Variants in KCNC2 observed in about 807,000 individuals in gnomAD.
The protein encoded by KCNC2 is voltage-gated potassium channel KCNC2.
KCNC2 carries 21 observed loss-of-function variants against 44.5 expected under a neutral mutation model. The ratio of observed to expected loss-of-function variants is 0.47; its 90% CI spans 0.33 to 0.68. The LOEUF (loss-of-function observed/expected upper bound fraction) is 0.68. Ranked by LOEUF, KCNC2 falls within the 30% of genes least tolerant of loss-of-function variation. The pLI is 0.01. For synonymous variants in KCNC2, 391 were observed against 339.1 expected (o/e 1.15, Z -1.68); for missense variants, 589 against 826.2 (o/e 0.71, Z 3.52).
At chr12:75,073,295 G>T (rs1050426380) in intron 2 of KCNC2, among the ~76,000 whole-genome samples, 1 of 152,060 alleles carries the variant, frequency 6.6e-6, no homozygotes, top group East Asian at 1.9e-4. Flanking sequence ...TAACTTATTG[G>T]TTGGCTAACT....
intron 2 of KCNC2, among the ~76,000 whole-genome samples, chr12:75,175,876 A>C (rs1262470726): frequency 6.6e-6 from 1 of 152,136 alleles, no homozygotes; most frequent in Admixed American, 6.6e-5. Flanking sequence ...TGGGATGTCC[A>C]GTTAAATCTG....
intron 2 of KCNC2, among the ~76,000 whole-genome samples, chr12:75,081,974 C>T (rs145453643): frequency 6.6e-6 from 1 of 151,952 alleles, no homozygotes; most frequent in Non-Finnish European, 1.5e-5. Context: ...TTCCAGTTTC[C>T]TACTTGTATG....
intron 2 of KCNC2, among the ~76,000 whole-genome samples, chr12:75,119,189 TA>T: frequency 6.6e-6 from 1 of 152,214 alleles, no homozygotes; most frequent in Non-Finnish European, 1.5e-5. Context: ...ATTAATATTA[TA>T]CACAATGGGG....
chr12:75,200,393 G>A (rs1434697706), intron 2 of KCNC2, among the ~76,000 whole-genome samples: 1 of 151,728 alleles, frequency 6.6e-6, no homozygotes, highest in Non-Finnish European at 1.5e-5. Context: ...ATAAACACCA[G>A]AAGTCTATCA....
chr12:75,185,324 T>G (rs1478191516), intron 2 of KCNC2, among the ~76,000 whole-genome samples: 2 of 152,184 alleles, frequency 1.3e-5, no homozygotes, highest in East Asian at 1.9e-4. Flanking sequence ...ATGCTATGGT[T>G]TGAAAGTGCC....
intron 2 of KCNC2, among the ~76,000 whole-genome samples, chr12:75,058,265 T>A (rs554023521): frequency 1.3e-5 from 2 of 151,952 alleles, no homozygotes; most frequent in African/African-American, 4.8e-5. Flanking sequence ...ATATAGCAAT[T>A]TCATGACATA....
At chr12:75,191,143 T>C (rs2030167896) in intron 2 of KCNC2, among the ~76,000 whole-genome samples, 1 of 152,098 alleles carries the variant, frequency 6.6e-6, no homozygotes, top group African/African-American at 2.4e-5. Context: ...AAAATGAACA[T>C]GTAGGACCTA....
chr12:75,152,526 A>G (rs1172017562), intron 2 of KCNC2, among the ~76,000 whole-genome samples: 1 of 151,954 alleles, frequency 6.6e-6, no homozygotes, highest in East Asian at 1.9e-4. Context: ...ATTCTCACTA[A>G]AGGAAATTTT....
chr12:75,041,757 C>T lies in KCNC2; in HGVS notation c.*1348G>A. The T allele has an allele frequency of 1.0e-6, 1 of 991,410 alleles. No homozygotes were observed. The highest frequency in any genetic ancestry group is 1.2e-6 in the Non-Finnish European group (1 of 833,388). 61.4% of individuals were successfully genotyped at this position (991,410 alleles called of 1,614,324 possible). On this transcript the variant is annotated 3_prime_UTR_variant, in exon 5 of 5. Coordinates refer to ENST00000549446, the MANE Select transcript of KCNC2 (RefSeq NM_139137.4). ...TGGTGAAATTGCTGCTTAAACCCTG[C>T]TTATCAAAAAGATTCACAGTGCCGA...
chr12:75,188,755 G>C (rs1251684888), intron 2 of KCNC2, among the ~76,000 whole-genome samples: 1 of 151,844 alleles, frequency 6.6e-6, no homozygotes, highest in Non-Finnish European at 1.5e-5. Flanking sequence ...AGCTACTCGG[G>C]AGGCTGAGGC....
intron 2 of KCNC2, among the ~76,000 whole-genome samples, chr12:75,172,556 C>A (rs529537461): frequency 6.6e-6 from 1 of 151,892 alleles, no homozygotes; most frequent in South Asian, 2.1e-4. Context: ...TAAGACAGAG[C>A]TTTAGTCTAT....
intron 2 of KCNC2, among the ~76,000 whole-genome samples, chr12:75,081,663 C>T (rs1027325642): frequency 2.6e-5 from 4 of 151,868 alleles, no homozygotes; most frequent in African/African-American, 7.2e-5. Context: ...TAAAAATGTC[C>T]ATTCCAGATA....
chr12:75,121,979 A>G (rs1320131738), intron 2 of KCNC2, among the ~76,000 whole-genome samples: 1 of 151,996 alleles, frequency 6.6e-6, no homozygotes, highest in Non-Finnish European at 1.5e-5. Context: ...AGTGTGAGTG[A>G]TAGGAATCCT....
intron 2 of KCNC2, among the ~76,000 whole-genome samples, chr12:75,061,610 C>CACAT (rs1339740171): frequency 1.3e-4 from 18 of 136,496 alleles, no homozygotes; most frequent in African/African-American, 4.0e-4. Flanking sequence ...CACACACACA[C>CACAT]ACAAAACACA....
chr12:75,115,702 T>C lies in KCNC2; in HGVS notation c.688-64385A>G, dbSNP rs1045239646. On this transcript the variant is annotated intron_variant, in intron 2 of 4. Transcript: ENST00000549446. ...TAAACTGGTACACTTGGAATCAGAA[T>C]TGCAGAGATTTGTACCTATTTATTT... Among the ~76,000 whole-genome samples the C allele has an allele frequency of 6.6e-5, 10 of 152,206 alleles. No homozygotes were observed. The South Asian group carries it at 2.1e-3, about 31-fold the overall frequency.
intron 2 of KCNC2, among the ~76,000 whole-genome samples, chr12:75,083,588 G>A (rs1884697867): frequency 6.6e-6 from 1 of 151,606 alleles, no homozygotes; most frequent in African/African-American, 2.4e-5. Flanking sequence ...CATAAAATTG[G>A]GCTACAAATA....
intron 2 of KCNC2, among the ~76,000 whole-genome samples, chr12:75,118,701 A>G (rs895557053): frequency 6.6e-6 from 1 of 152,226 alleles, no homozygotes; most frequent in African/African-American, 2.4e-5. Context: ...AGTGAGATTT[A>G]ATTTAAACTT....
intron 2 of KCNC2, among the ~76,000 whole-genome samples, chr12:75,193,334 G>A (rs537612390): frequency 6.6e-5 from 10 of 152,276 alleles, no homozygotes; most frequent in African/African-American, 9.6e-5. Flanking sequence ...TGGAAGTGGA[G>A]TAATGTAATT....
At chr12:75,154,502 C>T (rs1291393034) in intron 2 of KCNC2, among the ~76,000 whole-genome samples, 2 of 151,944 alleles carry the variant, frequency 1.3e-5, no homozygotes, top group Non-Finnish European at 2.9e-5. Flanking sequence ...GTCTTTACAC[C>T]TTGGCAAATG....
Sources: allele counts gnomAD v4.1 joint callset (sites outside exome capture counted in the v4.1 genomes callset), GRCh38; gene constraint gnomAD v4.1.1; transcripts MANE v1.5; gene names NCBI Gene and HGNC (gene_info 2026-07-23, HGNC 2026-07-21).